Variants in TMED10 observed in about 807,000 individuals in gnomAD.
The protein encoded by TMED10 is transmembrane emp24 domain-containing protein 10.
A neutral mutation model predicts 23.1 loss-of-function variants in TMED10; 7 were observed. The observed-to-expected ratio is 0.30, with a 90% confidence interval of 0.17 to 0.57. The LOEUF is 0.57. Among genes scored for constraint, TMED10 ranks in the 20% least tolerant of loss-of-function variants. TMED10 has a pLI of 0.91. For missense variants in TMED10, 162 were observed against 274.8 expected, an observed-to-expected ratio of 0.59 and a Z score of 2.90; for synonymous variants, 113 against 106.9, an observed-to-expected ratio of 1.06 and a Z score of -0.35.
intron 1 of TMED10, among the ~76,000 whole-genome samples, chr14:75,163,967 GTGTT>G (rs1202696684): frequency 2.6e-5 from 4 of 152,144 alleles, no homozygotes; most frequent in African/African-American, 7.2e-5. Flanking sequence ...GCCTGGAACA[GTGTT>G]TGTCACATAG....
intron 3 of TMED10, among the ~76,000 whole-genome samples, chr14:75,141,365 G>C (rs1224804878): frequency 6.6e-6 from 1 of 152,144 alleles, no homozygotes; most frequent in Non-Finnish European, 1.5e-5. Flanking sequence ...GGGTATGTGT[G>C]CATGTACACA....
At chr14:75,149,674 T>A (rs537916145) in intron 2 of TMED10, among the ~76,000 whole-genome samples, 1 of 152,206 alleles carries the variant, frequency 6.6e-6, no homozygotes, top group Non-Finnish European at 1.5e-5. Flanking sequence ...GAGAGAAGAT[T>A]GTAGTTGTGG....
At chr14:75,152,244 A>G in intron 1 of TMED10, 101 bp from the exon 2 acceptor site, 1 of 885,444 alleles carries the variant, frequency 1.1e-6, no homozygotes, top group South Asian at 1.6e-5. Flanking sequence ...AAGACAATTG[A>G]TAGTTCTCAT....
chr14:75,135,054 A>G, intron 4 of TMED10, 48 bp from the exon 5 acceptor site: 1 of 1,607,854 alleles, frequency 6.2e-7, no homozygotes, highest in South Asian at 1.1e-5. Context: ...GAGCCTCCTC[A>G]GCTGGCTAAA....
rs911726909 is a variant in TMED10 at position 75,148,401 on chromosome 14, GA to G, written c.338-665del. The stretch of plus-strand genomic sequence containing the variant: ...CTTAAAAGAGTTACAACAGCTCAAG[GA>G]AAAAAAAAAAACAACTTTAAGTGTT... On this transcript the variant is annotated intron_variant, in intron 2 of 4. Coordinates refer to ENST00000303575, the MANE Select transcript of TMED10 (RefSeq NM_006827.6). 6.7e-4 allele frequency among the ~76,000 whole-genome samples: 92 copies of G among 137,476 alleles called. 1 individual carries two copies. Among genetic ancestry groups the G allele is most frequent in the Admixed American group, 1.4e-3 (19 of 13,666 alleles). The allele number at this position is 137,476 out of a possible 152,430, so 90.2% of individuals were successfully genotyped here.
At chr14:75,172,770 C>T (rs1486754093) in intron 1 of TMED10, among the ~76,000 whole-genome samples, 6 of 152,268 alleles carry the variant, frequency 3.9e-5, no homozygotes, top group African/African-American at 1.2e-4. Flanking sequence ...TAAGATGACA[C>T]GTGTGGAAAG....
chr14:75,169,894 T>G (rs188881634), intron 1 of TMED10, among the ~76,000 whole-genome samples: 2 of 152,152 alleles, frequency 1.3e-5, no homozygotes, highest in Admixed American at 1.3e-4. Context: ...GCTAAAATGA[T>G]GCATAGGGAG....
intron 3 of TMED10, among the ~76,000 whole-genome samples, chr14:75,145,523 C>T (rs747622209): frequency 1.1e-4 from 16 of 152,286 alleles, no homozygotes; most frequent in East Asian, 3.9e-4. Flanking sequence ...CGGTGCCTCA[C>T]GCATGTAATC....
At chr14:75,152,261 G>T (rs1283864019) in intron 1 of TMED10, 118 bp from the exon 2 acceptor site, 14 of 763,258 alleles carry the variant, frequency 1.8e-5, no homozygotes, top group Admixed American at 8.6e-5. Flanking sequence ...TCATTATGAT[G>T]ACTATGTTCC....
intron 1 of TMED10, among the ~76,000 whole-genome samples, chr14:75,169,836 C>A (rs1278891688): frequency 6.6e-6 from 1 of 152,088 alleles, no homozygotes; most frequent in African/African-American, 2.4e-5. Context: ...TAGAATGTGG[C>A]CTACCATATG....
intron 1 of TMED10, among the ~76,000 whole-genome samples, chr14:75,170,262 A>G (rs530709393): frequency 6.6e-6 from 1 of 152,128 alleles, no homozygotes; most frequent in African/African-American, 2.4e-5. Context: ...GTGAACGGAC[A>G]CCATGAAAAA....
intron 3 of TMED10, among the ~76,000 whole-genome samples, chr14:75,142,025 G>C (rs2268617): frequency 6.6e-6 from 1 of 152,002 alleles, no homozygotes; most frequent in Non-Finnish European, 1.5e-5. Context: ...ACTTTCTGTT[G>C]TTCTGCTCTT....
chr14:75,135,656 T>C, intron 4 of TMED10, 104 bp downstream of exon 4: 1 of 1,501,114 alleles, frequency 6.7e-7, no homozygotes. Flanking sequence ...CCCCTCCATA[T>C]ACCCACCTTG....
chr14:75,136,948 T>G (rs1895757755), intron 3 of TMED10: 1 of 152,128 alleles, frequency 6.6e-6, no homozygotes, highest in African/African-American at 2.4e-5. Flanking sequence ...TCATTATTGT[T>G]TTTTTCTTAT....
At chr14:75,158,419 G>A (rs948695566) in intron 1 of TMED10, among the ~76,000 whole-genome samples, 3 of 152,074 alleles carry the variant, frequency 2.0e-5, no homozygotes, top group East Asian at 1.9e-4. Context: ...CCTCAACCTC[G>A]TAGGCTCAAG....
At chr14:75,164,568 TATATA>T (rs1896134379) in intron 1 of TMED10, among the ~76,000 whole-genome samples, 2 of 3,004 alleles carry the variant, frequency 6.7e-4, no homozygotes, top group African/African-American at 1.9e-3. Context: ...TATATATATA[TATATA>T]TATATTTTTT....
chr14:75,143,350 A>G (rs184908132), intron 3 of TMED10, among the ~76,000 whole-genome samples: 154 of 152,340 alleles, frequency 1.0e-3, no homozygotes, highest in African/African-American at 3.4e-3. Flanking sequence ...ATCTTCCATT[A>G]TAATGAAGAT....
In TMED10 at chr14:75,176,603, C is replaced by A; in HGVS notation, c.-24G>T. The A allele has an allele frequency of 6.2e-7, 1 of 1,613,026 alleles. No homozygotes were observed. Among genetic ancestry groups the A allele is most frequent in the South Asian group, 1.1e-5 (1 of 90,992 alleles). On this transcript the variant is annotated 5_prime_UTR_variant, in exon 1 of 5. Transcript: ENST00000303575. Reference sequence around the variant, plus strand: ...ATGGTGCTGGAGACTCGTTCACCACCGAAGGCCTCAACCGCGCCGGAACCG... The same window carrying A: ...ATGGTGCTGGAGACTCGTTCACCACAGAAGGCCTCAACCGCGCCGGAACCG...
At position 75,152,122 on chromosome 14, in the gene TMED10, T is replaced by C. The variant is rs1566672152; in HGVS notation, c.247A>G (p.Ile83Val). The C allele has an allele frequency of 1.2e-6, 2 of 1,613,794 alleles. No individual in the cohort carries two copies. Among genetic ancestry groups the C allele is most frequent in the Non-Finnish European group, 8.5e-7 (1 of 1,179,870 alleles). The change falls in exon 2 of 5, where the codon ATT (isoleucine) becomes GTT (valine). Residue 83 changes from isoleucine to valine, a missense_variant. Coordinates refer to ENST00000303575, the MANE Select transcript of TMED10 (RefSeq NM_006827.6). ...GTTGCATCCTCTTTGGAGTAGAGAA[T>C]ATGGCCAGCAGAATCTGTGATCTAA... ...HLKITDSAGH[I>V]LYSKEDATKG...
Sources: gnomAD v4.1 joint callset for allele counts (sites outside exome capture counted in the v4.1 genomes callset) on GRCh38, gnomAD v4.1.1 for gene constraint, MANE v1.5 for transcripts, NCBI Gene and HGNC (gene_info 2026-07-23, HGNC 2026-07-21) for gene names.